RBM41: variants seen among roughly 807,000 people sequenced by gnomAD.
RBM41 encodes the protein RNA-binding protein 41.
In RBM41, 14 loss-of-function variants were observed where a neutral mutation model predicts 30.8. The ratio of observed to expected loss-of-function variants is 0.45; its 90% CI spans 0.30 to 0.71. The LOEUF (loss-of-function observed/expected upper bound fraction) is 0.71. Ranked by LOEUF, RBM41 falls within the 30% of genes least tolerant of loss-of-function variation. RBM41 has a pLI of 0.08. For synonymous variants in RBM41, 120 were observed against 110.1 expected (o/e 1.09, Z -0.56); for missense variants, 276 against 326.3 (o/e 0.85, Z 1.19).
chrX:107,099,690 TACAC>T (rs58279760), intron 5 of RBM41, among the ~76,000 whole-genome samples: 5,335 of 92,397 alleles, frequency 0.058, 391 homozygotes, highest in African/African-American at 0.19. Context: ...TCCTGAAAGG[TACAC>T]ACACACACAC....
intron 6 of RBM41, among the ~76,000 whole-genome samples, chrX:107,087,485 G>C (rs1300267991): frequency 9.0e-6 from 1 of 111,693 alleles, no homozygotes; most frequent in Non-Finnish European, 1.9e-5. Context: ...GGTTTGTGTT[G>C]TCTCTTTGAG....
At position 107,064,146 on chromosome X, in the gene RBM41, T is replaced by C. The variant is rs6616624; in HGVS notation, c.*3381A>G. ...TTTTGTATTTTTAGTAGAGACAGGG[T>C]TTCACCATGTTACCCAGAATGGTCT... On this transcript the variant is annotated 3_prime_UTR_variant, in exon 8 of 8. Transcript: ENST00000685964. Among the ~76,000 whole-genome samples the C allele has an allele frequency of 7.6e-3, 825 of 108,957 alleles. 24 individuals are homozygous for C. In the East Asian group the frequency reaches 0.12, roughly 16 times the overall value. The allele number at this position is 108,957 out of a possible 115,157, so 94.6% of individuals were successfully genotyped here. A position where few individuals can be genotyped will look rare whatever the true frequency, so the allele number is the denominator to read the frequency against.
At chrX:107,076,769 G>C (rs1203224454) in intron 6 of RBM41, among the ~76,000 whole-genome samples, 1 of 111,426 alleles carries the variant, frequency 9.0e-6, no homozygotes. Context: ...ACATTACCTA[G>C]CATTAGTTAT....
At chrX:107,077,172 C>T (rs1921020214) in intron 6 of RBM41, among the ~76,000 whole-genome samples, 1 of 111,668 alleles carries the variant, frequency 9.0e-6, no homozygotes, top group African/African-American at 3.3e-5. Context: ...GCTCTTGTTG[C>T]CCAAGCTGGA....
chrX:107,110,493 A>G (rs1924377297), intron 5 of RBM41, among the ~76,000 whole-genome samples: 1 of 111,755 alleles, frequency 8.9e-6, no homozygotes, highest in Non-Finnish European at 1.9e-5. Flanking sequence ...CTTAGAAGAC[A>G]ATACTGTTAA....
At chrX:107,107,188 C>T (rs181960675) in intron 5 of RBM41, among the ~76,000 whole-genome samples, 45 of 110,952 alleles carry the variant, frequency 4.1e-4, no homozygotes, top group African/African-American at 1.3e-3. Flanking sequence ...AGAAGGAATA[C>T]TGGGGATGAC....
At chrX:107,056,200 T>C in the RBM41 span, among the ~76,000 whole-genome samples, 8 of 112,016 alleles carry the variant, frequency 7.1e-5, no homozygotes, top group African/African-American at 1.9e-4. Flanking sequence ...CATTGATTGA[T>C]TTTCTTATGT....
Position 107,116,724 on chromosome X carries a change from C to A in RBM41, c.51G>T (p.Glu17Asp). ...CVKSDEHVLE[E>D]LETEGERQLK... is the part of the protein sequence containing the mutation. ...GCTGCCTCTCCCCTTCTGTTTCCAG[C>A]TCCTCCAGGACATGCTCATCACTCT... Residue 17 changes from glutamate to aspartate, a missense_variant, in exon 2 of 8, where the codon GAG becomes GAT. Coordinates refer to ENST00000685964, the MANE Select transcript of RBM41 (RefSeq NM_001324242.2). 1 of 1,211,105 alleles carries A rather than the reference C, an allele frequency of 8.3e-7. No individual in the cohort carries two copies. The highest frequency in any genetic ancestry group is 1.1e-6 in the Non-Finnish European group (1 of 895,441).
chrX:107,060,866 T>C (rs1316907963), downstream of RBM41, among the ~76,000 whole-genome samples: 1 of 111,381 alleles, frequency 9.0e-6, no homozygotes, highest in Non-Finnish European at 1.9e-5. Flanking sequence ...AAACACCCCT[T>C]TAAGCAAGTG....
At chrX:107,111,455 T>C (rs1924464337) in intron 5 of RBM41, among the ~76,000 whole-genome samples, 2 of 110,909 alleles carry the variant, frequency 1.8e-5, no homozygotes, top group Admixed American at 1.9e-4. Context: ...GAATGTAAAA[T>C]GGTACAGTCT....
chrX:107,056,842 G>T, the RBM41 span, among the ~76,000 whole-genome samples: 1 of 100,087 alleles, frequency 1.0e-5, no homozygotes. Context: ...TGGTTATATT[G>T]GTTTCCTAGT....
At chrX:107,106,668 A>C in intron 5 of RBM41, among the ~76,000 whole-genome samples, 1 of 111,365 alleles carries the variant, frequency 9.0e-6, no homozygotes. Flanking sequence ...GCCCATATAC[A>C]CCATGAAATA....
intron 6 of RBM41, among the ~76,000 whole-genome samples, chrX:107,084,799 A>C (rs182567728): frequency 1.8e-5 from 2 of 112,216 alleles, no homozygotes; most frequent in Admixed American, 1.9e-4. Context: ...TGTTGTGTCT[A>C]AGAAAAGTCA....
rs1232131679 is a variant in RBM41, at chrX:107,069,400, T to C, written c.1002A>G (p.Val334=). Reference sequence around the variant, plus strand: ...GAGGGCTAAGGTTCTTCAGGTATAATACCTAAAACAAATTGAGGATCAACC... The same window carrying C: ...GAGGGCTAAGGTTCTTCAGGTATAACACCTAAAACAAATTGAGGATCAACC... The part of the protein sequence containing the change: ...SSYNPGEPNK[V]LYLKNLSPRV... The change falls in exon 7 of 8, where the codon GTA becomes GTG. Residue 334 remains valine, a splice_region_variant and synonymous_variant. Coordinates refer to ENST00000685964, the MANE Select transcript of RBM41 (RefSeq NM_001324242.2). The C allele has an allele frequency of 1.7e-6, 2 of 1,187,894 alleles. No individual in the cohort carries two copies. The highest frequency in any genetic ancestry group is 2.4e-5 in the Admixed American group (1 of 41,344).
intron 6 of RBM41, among the ~76,000 whole-genome samples, chrX:107,071,351 T>TC (rs1400082791): frequency 9.1e-6 from 1 of 110,266 alleles, no homozygotes; most frequent in Admixed American, 9.7e-5. Flanking sequence ...ATTAATAAAC[T>TC]CCCCAAGAGA....
chrX:107,081,631 T>C (rs1004917839), intron 6 of RBM41, among the ~76,000 whole-genome samples: 2 of 112,433 alleles, frequency 1.8e-5, no homozygotes, highest in Admixed American at 1.9e-4. Flanking sequence ...ATTAAGTCTT[T>C]CAATCCAAGA....
At chrX:107,115,836 A>G in intron 3 of RBM41, 26 bp downstream of exon 3, 2 of 1,141,684 alleles carry the variant, frequency 1.8e-6, no homozygotes, top group Non-Finnish European at 2.3e-6. Context: ...AGAAAAACCA[A>G]CAAAAAAAAA....
chrX:107,077,008 C>T (rs1188359759), intron 6 of RBM41, among the ~76,000 whole-genome samples: 1 of 112,025 alleles, frequency 8.9e-6, no homozygotes, highest in East Asian at 2.8e-4. Context: ...GAATAATTGA[C>T]TTGCCTATGC....
At chrX:107,052,213 G>C in the RBM41 span, among the ~76,000 whole-genome samples, 1 of 111,643 alleles carries the variant, frequency 9.0e-6, no homozygotes, top group Non-Finnish European at 1.9e-5. Context: ...TTGCTGGCTC[G>C]AATGCCTGGG....
Sources: allele counts gnomAD v4.1 joint callset (sites outside exome capture counted in the v4.1 genomes callset), GRCh38; gene constraint gnomAD v4.1.1; transcripts MANE v1.5; gene names NCBI Gene and HGNC (gene_info 2026-07-23, HGNC 2026-07-21).